The following NALF1 variants were observed in gnomAD, a reference collection of about 807,000 sequenced individuals.
NALF1 encodes NALCN channel auxiliary factor 1, also known as family with sequence similarity 155 member A.
Under a neutral mutation model 48.4 loss-of-function variants are expected in NALF1, and 3 were observed. The ratio of observed to expected loss-of-function variants is 0.06; its 90% CI spans 0.03 to 0.16. The LOEUF (loss-of-function observed/expected upper bound fraction) is 0.16, where lower values mean the gene tolerates loss of function less well. Ranked by LOEUF, NALF1 falls within the 10% of genes least tolerant of loss-of-function variation. The pLI, the probability that NALF1 is intolerant of heterozygous loss-of-function variation, is 1.00. For missense variants in NALF1, 526 were observed against 571.5 expected, an observed-to-expected ratio of 0.92 and a Z score of 0.81; for synonymous variants, 262 against 245.7, an observed-to-expected ratio of 1.07 and a Z score of -0.62.
intron 1 of NALF1, among the ~76,000 whole-genome samples, chr13:107,340,377 G>A (rs770834419): frequency 6.6e-6 from 1 of 151,374 alleles, no homozygotes; most frequent in Non-Finnish European, 1.5e-5. Flanking sequence ...CTGACCTGAA[G>A]TGATCCGTTC....
intron 1 of NALF1, among the ~76,000 whole-genome samples, chr13:107,515,733 C>G (rs1001742777): frequency 1.3e-5 from 2 of 152,232 alleles, no homozygotes; most frequent in Admixed American, 6.5e-5. Flanking sequence ...TTCCCACACC[C>G]TAGGAGCTGA....
chr13:107,366,793 G>A (rs890870619), intron 1 of NALF1, among the ~76,000 whole-genome samples: 6 of 152,178 alleles, frequency 3.9e-5, no homozygotes, highest in Admixed American at 1.3e-4. Context: ...TTGTTGATCT[G>A]TTGCCCTCAA....
chr13:107,763,211 G>T (rs935935661), intron 1 of NALF1, among the ~76,000 whole-genome samples: 1 of 151,488 alleles, frequency 6.6e-6, no homozygotes, highest in East Asian at 1.9e-4. Context: ...CAATATCCCC[G>T]CAAGTAAAGG....
At chr13:107,208,868 C>A (rs1014392474) in intron 2 of NALF1, among the ~76,000 whole-genome samples, 1 of 151,972 alleles carries the variant, frequency 6.6e-6, no homozygotes, top group Non-Finnish European at 1.5e-5. Flanking sequence ...CCTTCTTTCC[C>A]TCTTCCCTCC....
intron 1 of NALF1, among the ~76,000 whole-genome samples, chr13:107,481,575 T>C: frequency 6.6e-6 from 1 of 152,142 alleles, no homozygotes; most frequent in Non-Finnish European, 1.5e-5. Context: ...AACGATCTAT[T>C]AATCACCTAC....
At chr13:107,732,729 T>C (rs1433378143) in intron 1 of NALF1, among the ~76,000 whole-genome samples, 1 of 152,166 alleles carries the variant, frequency 6.6e-6, no homozygotes, top group Non-Finnish European at 1.5e-5. Flanking sequence ...TAGGTTTCTC[T>C]TATATTTTAC....
At chr13:107,423,954 T>C (rs1218450097) in intron 1 of NALF1, among the ~76,000 whole-genome samples, 1 of 152,132 alleles carries the variant, frequency 6.6e-6, no homozygotes, top group Non-Finnish European at 1.5e-5. Flanking sequence ...TATTATGTGC[T>C]TGGGATGATG....
chr13:107,423,314 A>G (rs1432554081), intron 1 of NALF1, among the ~76,000 whole-genome samples: 1 of 152,214 alleles, frequency 6.6e-6, no homozygotes, highest in African/African-American at 2.4e-5. Context: ...AAAAATAAGA[A>G]GGAAAGATAA....
intron 1 of NALF1, among the ~76,000 whole-genome samples, chr13:107,427,319 C>T (rs1274999352): frequency 6.6e-6 from 1 of 151,816 alleles, no homozygotes; most frequent in Admixed American, 6.6e-5. Flanking sequence ...CTTTTTAATA[C>T]TCTTACTGTA....
intron 1 of NALF1, among the ~76,000 whole-genome samples, chr13:107,780,844 C>A (rs1051708019): frequency 3.9e-5 from 6 of 152,110 alleles, no homozygotes; most frequent in African/African-American, 1.4e-4. Context: ...TTTACATGGG[C>A]CCCCAACTGA....
At chr13:107,815,288 CA>C (rs1879129479) in intron 1 of NALF1, among the ~76,000 whole-genome samples, 1 of 151,088 alleles carries the variant, frequency 6.6e-6, no homozygotes, top group Non-Finnish European at 1.5e-5. Context: ...ATCTAGGATC[CA>C]AAAAGAACTC....
At chr13:107,864,380 T>C (rs539701107) in intron 1 of NALF1, among the ~76,000 whole-genome samples, 11 of 152,322 alleles carry the variant, frequency 7.2e-5, no homozygotes, top group African/African-American at 2.6e-4. Flanking sequence ...AATATGGCCT[T>C]TCGACTGTGT....
rs1183991261 is a variant in NALF1 at position 107,164,531 on chromosome 13, C to G, written c.*5966G>C. 1 of 151,838 alleles carries G rather than the reference C, an allele frequency of 6.6e-6. No homozygotes were observed. Among genetic ancestry groups the G allele is most frequent in the East Asian group, 1.9e-4 (1 of 5,146 alleles). The allele number at this position is 151,838 out of a possible 1,614,324, so 9.4% of individuals were successfully genotyped here. Reference sequence around the variant, plus strand: ...TTGATCTATGAGTGCCTTAAACAACCACTTTGAAGTTGCATCATTATTTCT... The same window carrying G: ...TTGATCTATGAGTGCCTTAAACAACGACTTTGAAGTTGCATCATTATTTCT... On this transcript the variant is annotated 3_prime_UTR_variant, in exon 3 of 3. Transcript: ENST00000375915.
intron 1 of NALF1, among the ~76,000 whole-genome samples, chr13:107,779,285 G>C (rs1316543972): frequency 6.6e-6 from 1 of 152,150 alleles, no homozygotes; most frequent in East Asian, 1.9e-4. Flanking sequence ...TCCTGCCAAA[G>C]TTTGCTCAGA....
intron 1 of NALF1, among the ~76,000 whole-genome samples, chr13:107,257,574 C>G (rs1165761822): frequency 1.3e-5 from 2 of 151,030 alleles, no homozygotes; most frequent in African/African-American, 4.9e-5. Flanking sequence ...CTCAGAGAAT[C>G]ATTGAAATGG....
At chr13:107,854,266 T>G (rs982516260) in intron 1 of NALF1, among the ~76,000 whole-genome samples, 1 of 152,258 alleles carries the variant, frequency 6.6e-6, no homozygotes, top group Non-Finnish European at 1.5e-5. Context: ...CCTGCCATAC[T>G]TGGCCAAACC....
In NALF1 at chr13:107,170,734, C is replaced by T. The variant is rs1878784655; in HGVS notation, c.1140G>A (p.Arg380=). The change falls in exon 3 of 3, where the codon AGG becomes AGA. Residue 380 remains arginine (R), a synonymous_variant. Transcript: ENST00000375915. ...ATGGGTTATTTGATTTTTCTTCTCT[C>T]CTGACGTCACAGCATTCTGGTTCAT... The part of the protein sequence containing the change: ...TNDEPECCDV[R]REEKSNNPSK... The T allele has an allele frequency of 6.2e-7, 1 of 1,614,048 alleles. No homozygotes were observed. Among genetic ancestry groups the T allele is most frequent in the Admixed American group, 1.7e-5 (1 of 59,998 alleles).
chr13:107,473,428 C>T (rs1162360484), intron 1 of NALF1, among the ~76,000 whole-genome samples: 2 of 152,170 alleles, frequency 1.3e-5, no homozygotes, highest in Non-Finnish European at 2.9e-5. Flanking sequence ...TCTCCGCGTT[C>T]TCCACCAAAA....
At chr13:107,257,443 A>G (rs577943734) in intron 1 of NALF1, among the ~76,000 whole-genome samples, 2 of 152,254 alleles carry the variant, frequency 1.3e-5, no homozygotes, top group South Asian at 2.1e-4. Flanking sequence ...TGAGTGTGTA[A>G]AAGAGCTATC....
Sources: allele counts gnomAD v4.1 joint callset (sites outside exome capture counted in the v4.1 genomes callset), GRCh38; gene constraint gnomAD v4.1.1; transcripts MANE v1.5; gene names NCBI Gene and HGNC (gene_info 2026-07-23, HGNC 2026-07-21).